The following PTPRD variants were observed in gnomAD, a reference collection of about 807,000 sequenced individuals.
PTPRD encodes the protein protein tyrosine phosphatase receptor type D, also known as receptor-type tyrosine-protein phosphatase delta.
Under a neutral mutation model 214.5 loss-of-function variants are expected in PTPRD, and 34 were observed. The ratio of observed to expected loss-of-function variants is 0.16; its 90% CI spans 0.12 to 0.21. The LOEUF (loss-of-function observed/expected upper bound fraction) is 0.21. PTPRD is among the 10% of genes least tolerant of loss of function. The pLI, the probability that PTPRD is intolerant of heterozygous loss-of-function variation, is 1.00. For missense variants in PTPRD, 2,545 were observed against 2,398.7 expected (o/e 1.06, Z -1.27); for synonymous variants, 1,128 against 845.7 (o/e 1.33, Z -5.79).
chr9:9,467,595 A>ATAAT (rs1307751984), intron 8 of PTPRD, among the ~76,000 whole-genome samples: 5 of 137,204 alleles, frequency 3.6e-5, no homozygotes, highest in African/African-American at 1.3e-4. Flanking sequence ...TCCCAAAAAA[A>ATAAT]AAAAAAAAAA....
At chr9:9,410,709 G>C (rs959986373) in intron 8 of PTPRD, among the ~76,000 whole-genome samples, 49 of 152,118 alleles carry the variant, frequency 3.2e-4, no homozygotes, top group African/African-American at 1.1e-3. Context: ...CATTGAAACT[G>C]TATTTTAGTT....
At chr9:9,640,513 G>T (rs1273509075) in intron 7 of PTPRD, among the ~76,000 whole-genome samples, 2 of 152,192 alleles carry the variant, frequency 1.3e-5, no homozygotes, top group African/African-American at 4.8e-5. Flanking sequence ...TTCAAGACAG[G>T]TTAGATCAGG....
chr9:9,370,619 A>T (rs2059203531), intron 9 of PTPRD, among the ~76,000 whole-genome samples: 2 of 151,340 alleles, frequency 1.3e-5, no homozygotes, highest in South Asian at 4.2e-4. Context: ...CTCCTGCCTG[A>T]TTGCCCTGGC....
intron 10 of PTPRD, among the ~76,000 whole-genome samples, chr9:9,075,459 C>T (rs562122980): frequency 5.9e-5 from 9 of 151,982 alleles, no homozygotes; most frequent in Non-Finnish European, 1.2e-4. Context: ...ATGTGCACAA[C>T]GTGCAGGTTT....
chr9:10,378,445 G>C (rs1453235804), intron 2 of PTPRD, among the ~76,000 whole-genome samples: 1 of 151,884 alleles, frequency 6.6e-6, no homozygotes, highest in East Asian at 1.9e-4. Context: ...TATAGTTTGA[G>C]GTCTTAAGTT....
At chr9:9,922,706 T>G (rs2082913151) in intron 5 of PTPRD, among the ~76,000 whole-genome samples, 1 of 151,916 alleles carries the variant, frequency 6.6e-6, no homozygotes, top group Non-Finnish European at 1.5e-5. Context: ...AAAAATAAAA[T>G]TTAAAAAACC....
intron 12 of PTPRD, among the ~76,000 whole-genome samples, chr9:8,727,028 G>A (rs1050860956): frequency 6.6e-6 from 1 of 151,852 alleles, no homozygotes; most frequent in African/African-American, 2.4e-5. Context: ...AACAGAATGA[G>A]AGGAAAATTA....
chr9:9,925,982 C>A (rs1174865585), intron 5 of PTPRD, among the ~76,000 whole-genome samples: 4 of 152,028 alleles, frequency 2.6e-5, no homozygotes, highest in Non-Finnish European at 5.9e-5. Flanking sequence ...ATGTACAGCA[C>A]CATGCCTAGA....
At chr9:9,929,548 C>T (rs1053088724) in intron 5 of PTPRD, among the ~76,000 whole-genome samples, 3 of 152,126 alleles carry the variant, frequency 2.0e-5, no homozygotes, top group Non-Finnish European at 4.4e-5. Context: ...CATGTGCCAC[C>T]ATGCCCAGCT....
chr9:10,094,548 T>C lies in PTPRD; in HGVS notation c.-544-60758A>G, dbSNP rs1050370626. ...TTTTTTTTCTTTCTTTCTTTTTTTT[T>C]TTTTTTTCTGAAATGGGGCAGAGTA... On this transcript the variant is annotated intron_variant, in intron 3 of 45. Transcript: ENST00000381196. Among the ~76,000 whole-genome samples the C allele has an allele frequency of 3.6e-3, 535 of 149,764 alleles. 2 individuals carry two copies. Among genetic ancestry groups the C allele is most frequent in the African/African-American group, 0.013 (514 of 41,078 alleles).
intron 7 of PTPRD, among the ~76,000 whole-genome samples, chr9:9,660,732 G>T (rs1594549052): frequency 6.6e-6 from 1 of 152,034 alleles, no homozygotes; most frequent in East Asian, 1.9e-4. Context: ...TAAACAAAGT[G>T]ATTTCTAGTG....
At chr9:8,836,085 G>A (rs1032468507) in intron 11 of PTPRD, among the ~76,000 whole-genome samples, 7 of 152,230 alleles carry the variant, frequency 4.6e-5, no homozygotes, top group Non-Finnish European at 4.4e-5. Flanking sequence ...AACATCGTCC[G>A]AATGCCACTT....
intron 3 of PTPRD, among the ~76,000 whole-genome samples, chr9:10,161,218 C>G (rs4740443): frequency 0.15 from 23,205 of 151,680 alleles, 2,202 homozygotes; most frequent in Admixed American, 0.3. Context: ...AATTTCTACA[C>G]TGTCCATGGA....
At chr9:8,339,564 G>C (rs1274082695) in intron 42 of PTPRD, among the ~76,000 whole-genome samples, 1 of 152,088 alleles carries the variant, frequency 6.6e-6, no homozygotes, top group Non-Finnish European at 1.5e-5. Flanking sequence ...GCTAAACCCT[G>C]CAGAGTCATT....
chr9:9,086,021 T>C (rs1308398454), intron 10 of PTPRD, among the ~76,000 whole-genome samples: 3 of 152,218 alleles, frequency 2.0e-5, no homozygotes, highest in Non-Finnish European at 4.4e-5. Context: ...CTTACACATA[T>C]AATTTACTGA....
chr9:8,461,952 G>T (rs912275002), intron 32 of PTPRD, among the ~76,000 whole-genome samples: 33 of 151,750 alleles, frequency 2.2e-4, no homozygotes, highest in Non-Finnish European at 4.0e-4. Flanking sequence ...GGCTGGCCCT[G>T]AACCCGTATT....
chr9:9,897,807 A>G (rs2153799665), intron 5 of PTPRD, among the ~76,000 whole-genome samples: 1 of 152,238 alleles, frequency 6.6e-6, no homozygotes, highest in East Asian at 1.9e-4. Context: ...TGTACACTTA[A>G]CTGTTTTTCT....
At chr9:9,964,170 T>G (rs372223210) in intron 4 of PTPRD, among the ~76,000 whole-genome samples, 1 of 140,308 alleles carries the variant, frequency 7.1e-6, no homozygotes, top group Non-Finnish European at 1.6e-5. Context: ...TATTTCAATT[T>G]GAAGGTTTCT....
intron 7 of PTPRD, among the ~76,000 whole-genome samples, chr9:9,650,291 C>T (rs2096301935): frequency 6.6e-6 from 1 of 152,152 alleles, no homozygotes; most frequent in South Asian, 2.1e-4. Flanking sequence ...GACAATTAAA[C>T]TTATTTTCTT....
Sources: allele counts gnomAD v4.1 joint callset (sites outside exome capture counted in the v4.1 genomes callset), GRCh38; gene constraint gnomAD v4.1.1; transcripts MANE v1.5; gene names NCBI Gene and HGNC (gene_info 2026-07-23, HGNC 2026-07-21).